ADGRV1: variants seen among roughly 807,000 people sequenced by gnomAD.
ADGRV1 encodes adhesion G protein-coupled receptor V1.
In ADGRV1, 359 loss-of-function variants were observed where a neutral mutation model predicts 596.2. That is an observed-to-expected ratio of 0.60 (90% CI 0.55 to 0.66). ADGRV1 has a LOEUF of 0.66. Ranked by LOEUF, ADGRV1 falls within the 30% of genes least tolerant of loss-of-function variation. The pLI is 0.00. For missense variants in ADGRV1, 7,274 were observed against 7,575.6 expected, an observed-to-expected ratio of 0.96 and a Z score of 1.48; for synonymous variants, 2,681 against 2,679.2, an observed-to-expected ratio of 1.00 and a Z score of -0.02.
intron 27 of ADGRV1, among the ~76,000 whole-genome samples, chr5:90,682,883 T>A (rs977140828): frequency 6.6e-6 from 1 of 152,226 alleles, no homozygotes; most frequent in South Asian, 2.1e-4. Context: ...ATGTATTTTC[T>A]TATACTTTGG....
Position 91,150,057 on chromosome 5 carries a change from A to C in ADGRV1, c.18460A>C (p.Ile6154Leu). The change falls in exon 88 of 90, where the codon ATT becomes CTT. Residue 6154 changes from isoleucine (I) to leucine (L), a missense_variant. Around this residue, in one of 5 missense-constraint regions of ADGRV1, gnomAD observed 1,874 missense variants for 1,970.2 expected, o/e 0.95. Coordinates refer to ENST00000405460, the MANE Select transcript of ADGRV1 (RefSeq NM_032119.4). Reference protein sequence around the residue: ...QGLYVFMVYFILHNQMCCPMK... With the variant: ...QGLYVFMVYFLLHNQMCCPMK... Reference sequence around the variant, plus strand: ...ACTTTATGTTTTCATGGTTTATTTCATTTTACACAACCAAATGTGTTGCCC... The same window carrying C: ...ACTTTATGTTTTCATGGTTTATTTCCTTTTACACAACCAAATGTGTTGCCC... 1 of 1,356,352 alleles carries C rather than the reference A, an allele frequency of 7.4e-7. No homozygotes were observed. Among genetic ancestry groups the C allele is most frequent in the Non-Finnish European group, 9.6e-7 (1 of 1,046,680 alleles). 84.0% of individuals were successfully genotyped at this position (1,356,352 alleles called of 1,614,324 possible).
intron 78 of ADGRV1, among the ~76,000 whole-genome samples, chr5:90,848,213 A>G (rs1284252254): frequency 6.6e-6 from 1 of 152,184 alleles, no homozygotes; most frequent in East Asian, 1.9e-4. Context: ...TTTACTGGAA[A>G]AAAATAATTT....
At chr5:90,773,113 G>A (rs1439368032) in intron 59 of ADGRV1, among the ~76,000 whole-genome samples, 3 of 151,388 alleles carry the variant, frequency 2.0e-5, no homozygotes, top group Non-Finnish European at 4.4e-5. Flanking sequence ...AGGTTGCAGT[G>A]AGCTGAGATC....
intron 83 of ADGRV1, among the ~76,000 whole-genome samples, chr5:90,887,202 C>G (rs751774109): frequency 1.3e-5 from 2 of 152,146 alleles, no homozygotes; most frequent in Non-Finnish European, 1.5e-5. Context: ...CCTTCATTCC[C>G]TGAAGCTGTC....
At chr5:90,859,299 A>T (rs1767323424) in intron 82 of ADGRV1, among the ~76,000 whole-genome samples, 1 of 152,144 alleles carries the variant, frequency 6.6e-6, no homozygotes, top group Admixed American at 6.5e-5. Context: ...GTTTTAATAG[A>T]TATTGGTTAA....
chr5:91,082,333 T>C (rs1020103100), intron 86 of ADGRV1, among the ~76,000 whole-genome samples: 6 of 152,182 alleles, frequency 3.9e-5, no homozygotes, highest in African/African-American at 1.4e-4. Context: ...TGGCAGATCC[T>C]ATTTTTTTTC....
At chr5:90,570,808 G>A (rs1025888923) in intron 1 of ADGRV1, among the ~76,000 whole-genome samples, 1 of 150,580 alleles carries the variant, frequency 6.6e-6, no homozygotes, top group Non-Finnish European at 1.5e-5. Flanking sequence ...TTCATTTGAT[G>A]AGAAATCATT....
chr5:91,071,316 A>G lies in ADGRV1; in HGVS notation c.18153-1131A>G, dbSNP rs554116379. Among the ~76,000 whole-genome samples, 6 of 152,310 alleles carry G rather than the reference A, an allele frequency of 3.9e-5. No homozygotes were observed. The East Asian group carries it at 1.2e-3, about 29-fold the overall frequency. On this transcript the variant is annotated intron_variant, in intron 85 of 89. Transcript: ENST00000405460. ...TGACTTTGTCATCAGCCCCATGGCCATAAATCCTGATGGCATTCTTCTTCT... is the reference window on the plus strand; with the variant it reads ...TGACTTTGTCATCAGCCCCATGGCCGTAAATCCTGATGGCATTCTTCTTCT...
chr5:90,910,551 TTATCTATCTATCTATCTATCTATC>T (rs58713482), intron 83 of ADGRV1, among the ~76,000 whole-genome samples: 40,597 of 147,102 alleles, frequency 0.28, 6,168 homozygotes, highest in Non-Finnish European at 0.35. Context: ...TATATATATA[TTATCTATCTATCTATCTATCTATC>T]TATCTATCTA....
chr5:90,889,875 C>T (rs1395613179), intron 83 of ADGRV1, among the ~76,000 whole-genome samples: 1 of 152,102 alleles, frequency 6.6e-6, no homozygotes, highest in African/African-American at 2.4e-5. Flanking sequence ...AAAGAGAGGG[C>T]TGATGGAGAC....
rs757308676 is a variant in ADGRV1 at position 90,757,067 on chromosome 5, G to A, written c.11846G>A (p.Gly3949Glu). The A allele has an allele frequency of 1.9e-6, 3 of 1,613,830 alleles. No homozygotes were observed. In the Admixed American group the frequency reaches 5.0e-5, roughly 27 times the overall value. Residue 3949 changes from glycine to glutamate, a missense_variant, in exon 57 of 90, where the codon GGG becomes GAG. By Grantham distance (98) the Gly-to-Glu change is moderately conservative (BLOSUM62 -2). Coordinates refer to ENST00000405460, the MANE Select transcript of ADGRV1 (RefSeq NM_032119.4). Reference sequence around the variant, plus strand: ...GTAGTCCGGCTGGCTGGAAGCTTTGGGGCAGTAAATGTTTATTGGAAAGCA... The same window carrying A: ...GTAGTCCGGCTGGCTGGAAGCTTTGAGGCAGTAAATGTTTATTGGAAAGCA... ...VPVVRLAGSF[G>E]AVNVYWKASP...
chr5:90,935,419 G>T (rs753781897), intron 83 of ADGRV1, among the ~76,000 whole-genome samples: 1 of 152,172 alleles, frequency 6.6e-6, no homozygotes, highest in Non-Finnish European at 1.5e-5. Flanking sequence ...GCTACATTCA[G>T]TTCCAGCTTC....
rs144573131 is a variant in ADGRV1 at position 90,700,929 on chromosome 5, G to A, written c.8156-2736G>A. Among the ~76,000 whole-genome samples the A allele has an allele frequency of 1.5e-4, 23 of 152,128 alleles. No individual in the cohort carries two copies. The East Asian group carries it at 4.3e-3, about 28-fold the overall frequency. Reference sequence around the variant, plus strand: ...ATTAGTTTTATGTACATTGTAGTTGGTGTTTATCTTTGTAAAAAGAATTCT... The same window carrying A: ...ATTAGTTTTATGTACATTGTAGTTGATGTTTATCTTTGTAAAAAGAATTCT... On this transcript the variant is annotated intron_variant, in intron 34 of 89. Transcript: ENST00000405460.
intron 1 of ADGRV1, among the ~76,000 whole-genome samples, chr5:90,600,065 CAA>C (rs1167726544): frequency 1.3e-5 from 2 of 152,134 alleles, no homozygotes; most frequent in African/African-American, 2.4e-5. Context: ...ATATGACACG[CAA>C]ATACCTTGCA....
rs77724000 is a variant in ADGRV1 at position 90,624,877 on chromosome 5, T to TC, written c.559-249dup. Among the ~76,000 whole-genome samples, 56,007 of 151,738 alleles carry TC rather than the reference T, an allele frequency of 0.37. 11,444 individuals are homozygous for TC. The highest frequency in any genetic ancestry group is 0.54 in the Admixed American group (8,243 of 15,248). On this transcript the variant is annotated intron_variant, in intron 5 of 89. Coordinates refer to ENST00000405460, the MANE Select transcript of ADGRV1 (RefSeq NM_032119.4). ...AGAAATATTTGTAGAGTTTTTTTTT[T>TC]CCCCTCAGGTTTAACATAATGGTTG...
intron 86 of ADGRV1, among the ~76,000 whole-genome samples, chr5:91,095,767 ATCC>A (rs1582041824): frequency 6.6e-6 from 1 of 151,966 alleles, no homozygotes; most frequent in East Asian, 1.9e-4. Flanking sequence ...TTGGAAATAG[ATCC>A]ATTAATATCT....
At chr5:90,571,392 T>TAC (rs1756511741) in intron 1 of ADGRV1, among the ~76,000 whole-genome samples, 1 of 152,142 alleles carries the variant, frequency 6.6e-6, no homozygotes, top group Non-Finnish European at 1.5e-5. Context: ...CATGAACATG[T>TAC]GCACAGCCTT....
Position 90,925,664 on chromosome 5 carries a change from C to T in ADGRV1, c.17857-39751C>T, listed in dbSNP as rs1259028194. Among the ~76,000 whole-genome samples the T allele has an allele frequency of 1.4e-4, 21 of 147,010 alleles. No homozygotes were observed. In the East Asian group the frequency reaches 3.3e-3, roughly 23 times the overall value. ...ATTGCCCTGGCCAGAACTTCCAACA[C>T]TATGTTGAATAGGAGTGGTGAGAGA... On this transcript the variant is annotated intron_variant, in intron 83 of 89. Transcript: ENST00000405460.
At chr5:90,774,409 C>A in intron 60 of ADGRV1, 106 bp downstream of exon 60, 1 of 648,254 alleles carries the variant, frequency 1.5e-6, no homozygotes, top group Non-Finnish European at 2.7e-6. Context: ...TTTCATAATT[C>A]CTAAAACATA....
Sources: allele counts gnomAD v4.1 joint callset (sites outside exome capture counted in the v4.1 genomes callset), GRCh38; gene constraint gnomAD v4.1.1; regional missense constraint gnomAD v4.1.1; transcripts MANE v1.5; gene names NCBI Gene and HGNC (gene_info 2026-07-23, HGNC 2026-07-21).